Variants in MAST4 observed in about 807,000 individuals in gnomAD.
MAST4 encodes the protein microtubule-associated serine/threonine-protein kinase 4.
MAST4 carries 89 observed loss-of-function variants against 162.7 expected under a neutral mutation model. The ratio of observed to expected loss-of-function variants is 0.55; its 90% CI spans 0.46 to 0.65. The LOEUF is 0.65. Among genes scored for constraint, MAST4 ranks in the 30% least tolerant of loss-of-function variants. The pLI, the probability that MAST4 is intolerant of heterozygous loss-of-function variation, is 0.00. For synonymous variants in MAST4, 1,479 were observed against 1,361.1 expected (o/e 1.09, Z -1.91); for missense variants, 3,153 against 3,374.0 (o/e 0.93, Z 1.62).
intron 4 of MAST4, among the ~76,000 whole-genome samples, chr5:66,979,972 C>T (rs17284012): frequency 0.046 from 7,063 of 151,932 alleles, 208 homozygotes; most frequent in Non-Finnish European, 0.074. Context: ...TTTAATTTGT[C>T]GAGGGAAAAT....
intron 11 of MAST4, among the ~76,000 whole-genome samples, chr5:67,112,234 C>T (rs1581601290): frequency 1.3e-5 from 2 of 152,282 alleles, no homozygotes; most frequent in East Asian, 3.9e-4. Context: ...AAATCCATGG[C>T]ATCCCTTTGG....
chr5:67,044,643 A>G (rs1237615289), intron 4 of MAST4, among the ~76,000 whole-genome samples: 2 of 152,126 alleles, frequency 1.3e-5, no homozygotes, highest in South Asian at 2.1e-4. Flanking sequence ...CTGCCTGAGT[A>G]ATTGGGACTA....
At chr5:66,685,262 CAAACAAAACAAAACA>C (rs60672976) in intron 1 of MAST4, among the ~76,000 whole-genome samples, 43,368 of 143,790 alleles carry the variant, frequency 0.3, 6,624 homozygotes, top group African/African-American at 0.36. Context: ...GACCTTGTCT[CAAACAAAACAAAACA>C]AAACAAAACA....
intron 3 of MAST4, among the ~76,000 whole-genome samples, chr5:66,818,399 G>A (rs528696508): frequency 6.6e-6 from 1 of 151,020 alleles, no homozygotes; most frequent in Admixed American, 6.6e-5. Flanking sequence ...CTGTGGTTTT[G>A]TAGTATAAAG....
At chr5:66,626,604 A>C (rs535197013) in intron 1 of MAST4, among the ~76,000 whole-genome samples, 1 of 152,384 alleles carries the variant, frequency 6.6e-6, no homozygotes, top group East Asian at 1.9e-4. Context: ...TTGCAAATTT[A>C]TGACAGTTAA....
Position 67,163,101 on chromosome 5 carries a change from G to A in MAST4, c.3968-46G>A. The A allele has an allele frequency of 6.4e-7, 1 of 1,553,902 alleles. No homozygotes were observed. Among genetic ancestry groups the A allele is most frequent in the South Asian group, 1.2e-5 (1 of 83,122 alleles). On this transcript the variant is annotated intron_variant, in intron 28 of 28. Coordinates refer to ENST00000403625, the MANE Select transcript of MAST4 (RefSeq NM_001164664.2). The surrounding 1 kb of genome is among the most constrained non-coding windows in gnomAD (Gnocchi z 7.0). ...CTGGGCTACAACTGTGAAAAAAAGG[G>A]GAAAATGACCATGGATGCTCACAGC...
intron 4 of MAST4, among the ~76,000 whole-genome samples, chr5:67,051,739 A>C (rs1581354513): frequency 1.3e-5 from 2 of 152,308 alleles, no homozygotes; most frequent in South Asian, 4.1e-4. Context: ...TGCTGTGTAA[A>C]GTGTCCCTCT....
chr5:66,608,244 C>G (rs946946883), intron 1 of MAST4, among the ~76,000 whole-genome samples: 4 of 149,882 alleles, frequency 2.7e-5, no homozygotes, highest in Non-Finnish European at 5.9e-5. Context: ...TTAGTAGAGA[C>G]AGGATTTCAC....
chr5:66,630,146 A>G (rs1744705435), intron 1 of MAST4, among the ~76,000 whole-genome samples: 1 of 152,156 alleles, frequency 6.6e-6, no homozygotes, highest in Non-Finnish European at 1.5e-5. Flanking sequence ...ACTCCTGGGA[A>G]TGGGGCCTAG....
At chr5:66,823,118 TCTC>T (rs1203164830) in intron 3 of MAST4, among the ~76,000 whole-genome samples, 4 of 152,284 alleles carry the variant, frequency 2.6e-5, no homozygotes, top group Non-Finnish European at 5.9e-5. Flanking sequence ...ACTTGACACT[TCTC>T]CTTCCTGCCA....
chr5:66,985,087 G>A (rs751385280), intron 4 of MAST4, among the ~76,000 whole-genome samples: 17 of 152,110 alleles, frequency 1.1e-4, no homozygotes, highest in Non-Finnish European at 2.9e-5. Flanking sequence ...ACAGATTCCT[G>A]AGACACTGCA....
At chr5:66,610,606 T>A (rs1743227040) in intron 1 of MAST4, among the ~76,000 whole-genome samples, 1 of 152,204 alleles carries the variant, frequency 6.6e-6, no homozygotes, top group South Asian at 2.1e-4. Context: ...GAACACGAGT[T>A]CCACTGGGGG....
chr5:66,732,428 C>A (rs925870715), intron 1 of MAST4, among the ~76,000 whole-genome samples: 7 of 152,176 alleles, frequency 4.6e-5, no homozygotes, highest in African/African-American at 1.7e-4. Flanking sequence ...ATTGCCTCTT[C>A]TTCCTGGAAG....
At chr5:66,640,262 A>T (rs1188480576) in intron 1 of MAST4, among the ~76,000 whole-genome samples, 1 of 151,794 alleles carries the variant, frequency 6.6e-6, no homozygotes, top group African/African-American at 2.4e-5. Context: ...CTTGAGGGCT[A>T]ATATTCCACT....
chr5:66,777,996 A>T (rs753265497), intron 2 of MAST4, among the ~76,000 whole-genome samples: 2 of 152,084 alleles, frequency 1.3e-5, no homozygotes, highest in Admixed American at 6.5e-5. Context: ...CATTCTACTG[A>T]ATTATATTTC....
chr5:66,940,329 C>G (rs948444754), intron 4 of MAST4, among the ~76,000 whole-genome samples: 2 of 152,080 alleles, frequency 1.3e-5, no homozygotes, highest in Non-Finnish European at 2.9e-5. Flanking sequence ...GCAGTGGACT[C>G]TTTCTTTCAC....
chr5:66,868,272 G>C (rs1760671289), intron 3 of MAST4, among the ~76,000 whole-genome samples: 1 of 151,974 alleles, frequency 6.6e-6, no homozygotes, highest in Non-Finnish European at 1.5e-5. Flanking sequence ...TTTTCAGGTA[G>C]GATCTCCCTA....
chr5:67,087,517 G>C (rs1047539013), intron 5 of MAST4, among the ~76,000 whole-genome samples: 1 of 152,258 alleles, frequency 6.6e-6, no homozygotes, highest in African/African-American at 2.4e-5. Flanking sequence ...AAACTGTCTC[G>C]ATTGCCTTGC....
At chr5:66,616,075 C>T (rs1743657342) in intron 1 of MAST4, among the ~76,000 whole-genome samples, 2 of 152,124 alleles carry the variant, frequency 1.3e-5, no homozygotes, top group African/African-American at 2.4e-5. Context: ...TCCCAGTATG[C>T]AATAAATCTT....
Sources: gnomAD v4.1 joint callset for allele counts (sites outside exome capture counted in the v4.1 genomes callset) on GRCh38, gnomAD v4.1.1 for gene constraint, Gnocchi (gnomAD v3.1) non-coding constraint, MANE v1.5 for transcripts, NCBI Gene and HGNC (gene_info 2026-07-23, HGNC 2026-07-21) for gene names.